The following DTNBP1 variants were observed in gnomAD, a reference collection of about 807,000 sequenced individuals.
The protein encoded by DTNBP1 is dysbindin.
Under a neutral mutation model 42.8 loss-of-function variants are expected in DTNBP1, and 35 were observed. That is an observed-to-expected ratio of 0.82 (90% confidence interval 0.63 to 1.09). The LOEUF (loss-of-function observed/expected upper bound fraction) is 1.09. DTNBP1 is among the 50% of genes least tolerant of loss of function. DTNBP1 has a pLI of 0.00. For synonymous variants in DTNBP1, 171 were observed against 162.2 expected, an observed-to-expected ratio of 1.05 and a Z score of -0.41; for missense variants, 457 against 424.2, an observed-to-expected ratio of 1.08 and a Z score of -0.68.
chr6:15,553,092 T>C (rs1774305172), intron 7 of DTNBP1, among the ~76,000 whole-genome samples: 1 of 152,160 alleles, frequency 6.6e-6, no homozygotes, highest in Non-Finnish European at 1.5e-5. Context: ...TGCCAACTTA[T>C]GAAAAAAGCA....
chr6:15,559,120 A>C (rs867022841), intron 7 of DTNBP1, among the ~76,000 whole-genome samples: 3 of 152,228 alleles, frequency 2.0e-5, no homozygotes, highest in African/African-American at 7.2e-5. Flanking sequence ...ATGAACTGAC[A>C]GTGCAATGGT....
chr6:15,631,988 C>G (rs1759721567), intron 4 of DTNBP1, among the ~76,000 whole-genome samples: 1 of 152,156 alleles, frequency 6.6e-6, no homozygotes, highest in Non-Finnish European at 1.5e-5. Flanking sequence ...TTTTGGTAAT[C>G]TAATGAGTGA....
At chr6:15,524,239 G>C (rs775499075) in intron 9 of DTNBP1, 1 of 1,571,598 alleles carries the variant, frequency 6.4e-7, no homozygotes, top group East Asian at 2.3e-5. Flanking sequence ...AGACTCAAAT[G>C]GATTTCTGGG....
chr6:15,615,428 C>G, intron 5 of DTNBP1, 29 bp from the exon 6 acceptor site: 3 of 1,612,488 alleles, frequency 1.9e-6, no homozygotes, highest in Non-Finnish European at 2.5e-6. Flanking sequence ...AAACAGACCT[C>G]AAAAGTCAGA....
At chr6:15,532,882 A>G (rs1394195769) in intron 8 of DTNBP1, among the ~76,000 whole-genome samples, 2 of 151,662 alleles carry the variant, frequency 1.3e-5, no homozygotes, top group Non-Finnish European at 2.9e-5. Flanking sequence ...GTATTTTAGT[A>G]GAGATGAGGT....
At chr6:15,592,343 G>A (rs187317600) in intron 7 of DTNBP1, among the ~76,000 whole-genome samples, 2 of 152,270 alleles carry the variant, frequency 1.3e-5, no homozygotes, top group African/African-American at 2.4e-5. Flanking sequence ...TCGAGAATAG[G>A]ATTTCTACTA....
At chr6:15,599,984 T>C (rs1203528186) in intron 6 of DTNBP1, among the ~76,000 whole-genome samples, 2 of 152,172 alleles carry the variant, frequency 1.3e-5, no homozygotes, top group Non-Finnish European at 2.9e-5. Flanking sequence ...GCCCCACCAC[T>C]TGAAACTGTA....
At chr6:15,575,958 A>G (rs1775543387) in intron 7 of DTNBP1, among the ~76,000 whole-genome samples, 1 of 152,210 alleles carries the variant, frequency 6.6e-6, no homozygotes, top group South Asian at 2.1e-4. Flanking sequence ...GCTGTGAGAC[A>G]CAGAGGAGGA....
At position 15,523,619 on chromosome 6, in the gene DTNBP1, G is replaced by C. The variant is rs977280813; in HGVS notation, c.812-400C>G. On this transcript the variant is annotated intron_variant, in intron 9 of 9. Coordinates refer to ENST00000344537, the MANE Select transcript of DTNBP1 (RefSeq NM_032122.5). Reference sequence around the variant, plus strand: ...AGAGACACCACTGCTGAGAAAGTCGGAATTACTGACCTTCAGCAGTTCTCC... The same window carrying C: ...AGAGACACCACTGCTGAGAAAGTCGCAATTACTGACCTTCAGCAGTTCTCC... The C allele has an allele frequency of 1.2e-5, 15 of 1,287,556 alleles. No homozygotes were observed. The East Asian group carries it at 7.2e-4, about 62-fold the overall frequency. 79.8% of individuals were successfully genotyped at this position (1,287,556 alleles called of 1,614,324 possible).
intron 1 of DTNBP1, among the ~76,000 whole-genome samples, chr6:15,659,337 A>C (rs545153933): frequency 6.6e-6 from 1 of 152,304 alleles, no homozygotes; most frequent in East Asian, 1.9e-4. Context: ...GGCTGCACTG[A>C]AGGAGCCCAG....
chr6:15,554,522 AG>A (rs1774401702), intron 7 of DTNBP1, among the ~76,000 whole-genome samples: 1 of 152,150 alleles, frequency 6.6e-6, no homozygotes, highest in Non-Finnish European at 1.5e-5. Flanking sequence ...TTTCTCATGA[AG>A]GGTTGCAGCC....
intron 7 of DTNBP1, among the ~76,000 whole-genome samples, chr6:15,553,915 G>A (rs1774363456): frequency 6.6e-6 from 1 of 151,994 alleles, no homozygotes; most frequent in Admixed American, 6.6e-5. Flanking sequence ...TAAAACCTAG[G>A]AAGGATCTTC....
chr6:15,604,757 C>CAA (rs11448521), intron 6 of DTNBP1, among the ~76,000 whole-genome samples: 3 of 151,824 alleles, frequency 2.0e-5, no homozygotes, highest in Non-Finnish European at 4.4e-5. Context: ...AAAAACAAAA[C>CAA]AAAAAAACAC....
At chr6:15,636,842 T>C (rs1424226698) in intron 4 of DTNBP1, among the ~76,000 whole-genome samples, 1 of 152,082 alleles carries the variant, frequency 6.6e-6, no homozygotes, top group African/African-American at 2.4e-5. Flanking sequence ...TTTTGTTGTG[T>C]TGTTGTTGTT....
At chr6:15,561,110 T>C (rs1774819438) in intron 7 of DTNBP1, among the ~76,000 whole-genome samples, 1 of 152,118 alleles carries the variant, frequency 6.6e-6, no homozygotes, top group Non-Finnish European at 1.5e-5. Flanking sequence ...TGTTTTTGAG[T>C]TTTTCCCTGC....
At chr6:15,651,432 AC>A (rs1460306415) in intron 2 of DTNBP1, 69 bp from the exon 3 acceptor site, 1 of 1,570,718 alleles carries the variant, frequency 6.4e-7, no homozygotes, top group African/African-American at 1.4e-5. Context: ...AAAGGTACAT[AC>A]AAGAATTTTG....
chr6:15,585,255 G>C lies in DTNBP1; in HGVS notation c.511+7804C>G, dbSNP rs577657449. On this transcript the variant is annotated intron_variant, in intron 7 of 9. Coordinates refer to ENST00000344537, the MANE Select transcript of DTNBP1 (RefSeq NM_032122.5). ...GCTCACATATTTAACTCTATTAACTGCCTCTTGGAAAATGAACATACTAGC... is the reference window on the plus strand; with the variant it reads ...GCTCACATATTTAACTCTATTAACTCCCTCTTGGAAAATGAACATACTAGC... Among the ~76,000 whole-genome samples the C allele has an allele frequency of 3.3e-5, 5 of 150,738 alleles. No individual in the cohort carries two copies. The South Asian group carries it at 1.0e-3, about 31-fold the overall frequency.
intron 1 of DTNBP1, among the ~76,000 whole-genome samples, chr6:15,659,555 CTTT>C (rs5874523): frequency 7.7e-5 from 9 of 116,564 alleles, no homozygotes; most frequent in African/African-American, 7.2e-5. Flanking sequence ...GGGTTTCTTT[CTTT>C]TTTTTTTTTT....
At chr6:15,648,976 T>C (rs912102234) in intron 3 of DTNBP1, among the ~76,000 whole-genome samples, 2 of 151,496 alleles carry the variant, frequency 1.3e-5, no homozygotes, top group African/African-American at 4.9e-5. Context: ...ATCCTCATAC[T>C]CATTAGAGTA....
Sources: gnomAD v4.1 joint callset for allele counts (sites outside exome capture counted in the v4.1 genomes callset) on GRCh38, gnomAD v4.1.1 for gene constraint, MANE v1.5 for transcripts, NCBI Gene and HGNC (gene_info 2026-07-23, HGNC 2026-07-21) for gene names.